MCF2L2: variants seen among roughly 807,000 people sequenced by gnomAD.
MCF2L2 encodes probable guanine nucleotide exchange factor MCF2L2.
MCF2L2 carries 102 observed loss-of-function variants against 150.2 expected under a neutral mutation model. That is an observed-to-expected ratio of 0.68 (90% confidence interval 0.58 to 0.80). The LOEUF is 0.80. Ranked by LOEUF, MCF2L2 falls within the 30% of genes least tolerant of loss-of-function variation. The pLI is 0.00. For synonymous variants in MCF2L2, 465 were observed against 491.3 expected, an observed-to-expected ratio of 0.95 and a Z score of 0.71; for missense variants, 1,256 against 1,372.8, an observed-to-expected ratio of 0.91 and a Z score of 1.34.
At chr3:183,414,734 CTAAGTT>C (rs1297904087) in intron 1 of MCF2L2, among the ~76,000 whole-genome samples, 2 of 152,226 alleles carry the variant, frequency 1.3e-5, no homozygotes, top group Non-Finnish European at 2.9e-5. Context: ...ATTGCATCCT[CTAAGTT>C]TGAGTATGCT....
In MCF2L2 at chr3:183,267,252, G is replaced by A. The variant is rs540570968; in HGVS notation, c.1862+9620C>T. On this transcript the variant is annotated intron_variant, in intron 15 of 29. Coordinates refer to ENST00000328913, the MANE Select transcript of MCF2L2 (RefSeq NM_015078.4). This position sits in a 1 kb window ranked among gnomAD's most constrained non-coding sequence, Gnocchi z 5.5. ...CTGGTTGTGGCTTCCTAAGTGGTGC[G>A]TGCAGTTTTCAAATCAATGCCCTTG... is the stretch of plus-strand genomic sequence containing the variant. 1.3e-5 allele frequency among the ~76,000 whole-genome samples: 2 copies of A among 152,112 alleles called. No individual in the cohort carries two copies. Among genetic ancestry groups the A allele is most frequent in the Non-Finnish European group, 2.9e-5 (2 of 68,026 alleles).
intron 3 of MCF2L2, among the ~76,000 whole-genome samples, chr3:183,348,440 G>C: frequency 6.6e-6 from 1 of 151,926 alleles, no homozygotes; most frequent in East Asian, 1.9e-4. Flanking sequence ...AGGGGAGGGA[G>C]AGAATTAGGA....
At chr3:183,400,288 T>C in intron 1 of MCF2L2, 1 of 330,618 alleles carries the variant, frequency 3.0e-6, no homozygotes. Flanking sequence ...TAAATCATTA[T>C]GCTAAGAATG....
At chr3:183,400,251 T>G in intron 1 of MCF2L2, 2 of 331,646 alleles carry the variant, frequency 6.0e-6, no homozygotes, top group Non-Finnish European at 1.2e-5. Flanking sequence ...AAAGTAAGAT[T>G]TTTTTTAATG....
intron 13 of MCF2L2, among the ~76,000 whole-genome samples, chr3:183,294,732 C>T (rs1577035274): frequency 6.7e-6 from 1 of 149,506 alleles, no homozygotes; most frequent in African/African-American, 2.5e-5. Context: ...AGGTTCACGC[C>T]ATTCTCCTGC....
chr3:183,328,004 T>A (rs969936742), intron 5 of MCF2L2, among the ~76,000 whole-genome samples: 1 of 152,114 alleles, frequency 6.6e-6, no homozygotes, highest in Non-Finnish European at 1.5e-5. Context: ...GGAGCTGGTG[T>A]CCAGAAAAAA....
At chr3:183,363,550 C>T (rs7623290) in intron 3 of MCF2L2, among the ~76,000 whole-genome samples, 38,392 of 151,964 alleles carry the variant, frequency 0.25, 6,278 homozygotes, top group African/African-American at 0.46. Flanking sequence ...TTGAGACCAG[C>T]GTGGGCAACA....
chr3:183,416,126 T>C (rs1015156997), intron 1 of MCF2L2, among the ~76,000 whole-genome samples: 9 of 152,200 alleles, frequency 5.9e-5, no homozygotes, highest in South Asian at 4.1e-4. Flanking sequence ...GATACAGAAA[T>C]GTTACTTCTA....
At chr3:183,303,542 A>T (rs1052750539) in intron 10 of MCF2L2, among the ~76,000 whole-genome samples, 3 of 152,152 alleles carry the variant, frequency 2.0e-5, no homozygotes, top group Middle Eastern at 3.2e-3. Context: ...GCACTGGTTT[A>T]TGGTTTCAAC....
intron 21 of MCF2L2, among the ~76,000 whole-genome samples, chr3:183,219,625 A>G (rs867376016): frequency 2.4e-4 from 36 of 149,858 alleles, no homozygotes; most frequent in East Asian, 2.0e-4. Context: ...AAAAAAAATT[A>G]TGTGGAAGGA....
At chr3:183,377,714 G>C (rs1196079725) in intron 3 of MCF2L2, 1 of 152,190 alleles carries the variant, frequency 6.6e-6, no homozygotes, top group Non-Finnish European at 1.5e-5. Context: ...CTGGGGTGAA[G>C]GAAGGTTTCA....
chr3:183,310,874 G>T (rs146394707), intron 9 of MCF2L2, 41 bp downstream of exon 9: 40 of 1,384,814 alleles, frequency 2.9e-5, no homozygotes, highest in Non-Finnish European at 3.7e-5. Context: ...CAGAGGTCCC[G>T]GTACCAGAAA....
chr3:183,427,460 C>T (rs1291003986), intron 1 of MCF2L2, among the ~76,000 whole-genome samples: 1 of 152,238 alleles, frequency 6.6e-6, no homozygotes, highest in Non-Finnish European at 1.5e-5. Flanking sequence ...ACCTGCCTCT[C>T]CCTGCACTTT....
chr3:183,270,343 A>C lies in MCF2L2; in HGVS notation c.1862+6529T>G. ...ATGCAGTTCAGTTGGGCAAATACCT[A>C]TTGTCCACATGCCAAATTTCTTATG... is the stretch of plus-strand genomic sequence containing the variant. On this transcript the variant is annotated intron_variant, in intron 15 of 29. Coordinates refer to ENST00000328913, the MANE Select transcript of MCF2L2 (RefSeq NM_015078.4). This position sits in a 1 kb window ranked among gnomAD's most constrained non-coding sequence, Gnocchi z 4.5. 2 of 1,614,140 alleles carry C rather than the reference A, an allele frequency of 1.2e-6. No homozygotes were observed. Among genetic ancestry groups the C allele is most frequent in the Non-Finnish European group, 1.7e-6 (2 of 1,179,978 alleles).
intron 21 of MCF2L2, among the ~76,000 whole-genome samples, chr3:183,217,402 G>C (rs777580552): frequency 6.6e-6 from 1 of 151,714 alleles, no homozygotes. Flanking sequence ...AACACGGGAG[G>C]TGGAGTTTGC....
At chr3:183,393,905 T>C (rs1375512794) in intron 1 of MCF2L2, among the ~76,000 whole-genome samples, 1 of 152,224 alleles carries the variant, frequency 6.6e-6, no homozygotes, top group East Asian at 1.9e-4. Context: ...GTCTGACTGC[T>C]GCAACTGCTA....
At chr3:183,378,999 G>C (rs1713359210) in intron 3 of MCF2L2, 1 of 285,664 alleles carries the variant, frequency 3.5e-6, no homozygotes, top group South Asian at 1.0e-4. Context: ...TGAAAATAAA[G>C]CAATAGCCTA....
chr3:183,179,378 G>A lies in MCF2L2; in HGVS notation c.*2C>T. 1 of 1,498,650 alleles carries A rather than the reference G, an allele frequency of 6.7e-7. No individual in the cohort carries two copies. The highest frequency in any genetic ancestry group is 2.2e-4 in the Middle Eastern group (1 of 4,538). The allele number at this position is 1,498,650 out of a possible 1,614,324, so 92.8% of individuals were successfully genotyped here. ...CGAGGAGCGGGGGCGTCCGCAGGGA[G>A]GTCAGCTCTCCTGGGCGGAGGTCCT... On this transcript the variant is annotated 3_prime_UTR_variant, in exon 30 of 30. Transcript: ENST00000328913. This position sits in a 1 kb window ranked among gnomAD's most constrained non-coding sequence, Gnocchi z 4.2.
intron 27 of MCF2L2, among the ~76,000 whole-genome samples, chr3:183,185,155 T>C (rs1348190410): frequency 6.6e-6 from 1 of 152,250 alleles, no homozygotes; most frequent in African/African-American, 2.4e-5. Flanking sequence ...CCTGACCACG[T>C]GATCCGCCCA....
Sources: allele counts gnomAD v4.1 joint callset (sites outside exome capture counted in the v4.1 genomes callset), GRCh38; gene constraint gnomAD v4.1.1; non-coding constraint Gnocchi (gnomAD v3.1); transcripts MANE v1.5; gene names NCBI Gene and HGNC (gene_info 2026-07-23, HGNC 2026-07-21).